The following CUX1 variants were observed in gnomAD, a reference collection of about 807,000 sequenced individuals.
CUX1 encodes the protein cut like homeobox 1.
CUX1 carries 31 observed loss-of-function variants against 158.8 expected under a neutral mutation model. The observed-to-expected ratio is 0.20, with a 90% CI of 0.15 to 0.26. The LOEUF (loss-of-function observed/expected upper bound fraction) is 0.26, where lower values mean the gene tolerates loss of function less well. Ranked by LOEUF, CUX1 falls within the 10% of genes least tolerant of loss-of-function variation. The pLI is 1.00. For synonymous variants in CUX1, 879 were observed against 862.1 expected, an observed-to-expected ratio of 1.02 and a Z score of -0.34; for missense variants, 1,589 against 2,014.6, an observed-to-expected ratio of 0.79 and a Z score of 4.04.
intron 1 of CUX1, among the ~76,000 whole-genome samples, chr7:101,865,101 C>T (rs1334306736): frequency 3.3e-5 from 5 of 152,156 alleles, no homozygotes; most frequent in African/African-American, 1.2e-4. Flanking sequence ...GAGGCTTTGC[C>T]TTAGCCTCGG....
At chr7:101,926,502 C>T (rs541644889) in intron 2 of CUX1, among the ~76,000 whole-genome samples, 1 of 152,112 alleles carries the variant, frequency 6.6e-6, no homozygotes, top group African/African-American at 2.4e-5. Flanking sequence ...GTTGCCTGGG[C>T]CCAGGGACAT....
intron 1 of CUX1, among the ~76,000 whole-genome samples, chr7:101,862,549 G>A (rs1797565488): frequency 6.6e-6 from 1 of 152,138 alleles, no homozygotes; most frequent in African/African-American, 2.4e-5. Context: ...CTTCTGTTGG[G>A]CTGGCTCAGA....
intron 4 of CUX1, among the ~76,000 whole-genome samples, chr7:102,090,390 T>G (rs1222521116): frequency 6.6e-6 from 1 of 151,964 alleles, no homozygotes; most frequent in Non-Finnish European, 1.5e-5. Context: ...TTTTTTTGTT[T>G]TGTTTTGTTT....
chr7:102,282,949 C>G, intron 22 of CUX1: 1 of 1,126,860 alleles, frequency 8.9e-7, no homozygotes, highest in South Asian at 1.3e-5. Context: ...TAGCCCCACC[C>G]CATCACATGG....
chr7:102,034,890 C>T (rs1208042934), intron 3 of CUX1, among the ~76,000 whole-genome samples: 2 of 151,704 alleles, frequency 1.3e-5, no homozygotes, highest in African/African-American at 2.4e-5. Flanking sequence ...GCCGAGATCG[C>T]GCCACCGCAC....
At chr7:101,913,367 A>T in intron 1 of CUX1, 1 of 1,251,252 alleles carries the variant, frequency 8.0e-7, no homozygotes. Flanking sequence ...AGGGCCGCAG[A>T]CCCCCGTTGA....
chr7:102,007,702 C>G (rs553996377), intron 2 of CUX1, among the ~76,000 whole-genome samples: 34 of 151,484 alleles, frequency 2.2e-4, no homozygotes, highest in African/African-American at 6.8e-4. Context: ...CCTCCTCCCC[C>G]CTCCCTCGCC....
chr7:102,076,260 C>G (rs1310517858), intron 4 of CUX1, among the ~76,000 whole-genome samples: 1 of 152,082 alleles, frequency 6.6e-6, no homozygotes, highest in Non-Finnish European at 1.5e-5. Context: ...TGGTGGGCAC[C>G]TGTAATCCCA....
intron 3 of CUX1, among the ~76,000 whole-genome samples, chr7:102,068,376 C>G (rs1825777173): frequency 6.6e-6 from 1 of 152,108 alleles, no homozygotes; most frequent in Non-Finnish European, 1.5e-5. Context: ...CTCTGGCTCC[C>G]AAAGTGCTAT....
At chr7:101,944,809 C>G (rs770439705) in intron 2 of CUX1, among the ~76,000 whole-genome samples, 1 of 152,224 alleles carries the variant, frequency 6.6e-6, no homozygotes, top group Non-Finnish European at 1.5e-5. Context: ...ACCCAGGGAG[C>G]AGGTGGGCAC....
chr7:102,192,677 G>C (rs1269139283), intron 12 of CUX1, among the ~76,000 whole-genome samples: 1 of 152,144 alleles, frequency 6.6e-6, no homozygotes, highest in Admixed American at 6.5e-5. Context: ...GCTCACACTA[G>C]GGGGACAGAG....
chr7:101,875,024 C>T (rs1001510704), intron 1 of CUX1, among the ~76,000 whole-genome samples: 4 of 152,146 alleles, frequency 2.6e-5, no homozygotes, highest in Non-Finnish European at 5.9e-5. Context: ...AACAATTCTG[C>T]TTGATGACAG....
chr7:102,171,444 T>G (rs1384138698), intron 10 of CUX1, among the ~76,000 whole-genome samples: 2 of 151,920 alleles, frequency 1.3e-5, no homozygotes, highest in African/African-American at 2.4e-5. Context: ...TTTGGGTTTT[T>G]TTTTTTTTTC....
chr7:102,098,807 ATTTTTTTTTTTT>A (rs112048598), intron 5 of CUX1, among the ~76,000 whole-genome samples: 11 of 67,968 alleles, frequency 1.6e-4, no homozygotes, highest in Admixed American at 6.1e-4. Flanking sequence ...CGCCCAACTA[ATTTTTTTTTTTT>A]TTTTTTTTTT....
intron 8 of CUX1, among the ~76,000 whole-genome samples, chr7:102,122,075 A>G (rs1832105289): frequency 6.6e-6 from 1 of 152,170 alleles, no homozygotes; most frequent in East Asian, 1.9e-4. Flanking sequence ...AGAATCACCC[A>G]GCTGTCTTGA....
chr7:102,026,803 G>A (rs1322459556), intron 2 of CUX1, among the ~76,000 whole-genome samples: 1 of 120,244 alleles, frequency 8.3e-6, no homozygotes, highest in East Asian at 2.5e-4. Flanking sequence ...CTAGGCAACA[G>A]TGAGACTCCG....
intron 3 of CUX1, among the ~76,000 whole-genome samples, chr7:102,066,421 A>G (rs1255646958): frequency 1.3e-5 from 2 of 152,118 alleles, no homozygotes; most frequent in African/African-American, 4.8e-5. Flanking sequence ...TCATCTTTCA[A>G]GAGACACAAT....
intron 4 of CUX1, among the ~76,000 whole-genome samples, chr7:102,091,764 G>A (rs560623734): frequency 6.6e-6 from 1 of 152,274 alleles, no homozygotes; most frequent in African/African-American, 2.4e-5. Flanking sequence ...GGTTTGGTTT[G>A]GTTTGGTTTG....
Position 102,256,435 on chromosome 7 carries a change from T to G in CUX1, c.*7393T>G, listed in dbSNP as rs572702911. The G allele has an allele frequency of 2.0e-6, 2 of 985,454 alleles. No individual in the cohort carries two copies. The highest frequency in any genetic ancestry group is 3.5e-5 in the African/African-American group (2 of 57,346). 61.0% of individuals were successfully genotyped at this position (985,454 alleles called of 1,614,324 possible). A position where few individuals can be genotyped will look rare whatever the true frequency, so the allele number is the denominator to read the frequency against. On this transcript the variant is annotated 3_prime_UTR_variant, in exon 24 of 24. Transcript: ENST00000292535. Reference sequence around the variant, plus strand: ...TAAATGCTTTTTGCTGTCACTCTAGTGGTTACTATCCTCTGCCTTCCTCTC... The same window carrying G: ...TAAATGCTTTTTGCTGTCACTCTAGGGGTTACTATCCTCTGCCTTCCTCTC...
Sources: allele counts gnomAD v4.1 joint callset (sites outside exome capture counted in the v4.1 genomes callset), GRCh38; gene constraint gnomAD v4.1.1; transcripts MANE v1.5; gene names NCBI Gene and HGNC (gene_info 2026-07-23, HGNC 2026-07-21).